PPP1CC: variants seen among roughly 807,000 people sequenced by gnomAD.
PPP1CC encodes the protein serine/threonine-protein phosphatase PP1-gamma catalytic subunit.
In PPP1CC, 16 loss-of-function variants were observed where a neutral mutation model predicts 38.4. The observed-to-expected ratio is 0.42, with a 90% CI of 0.28 to 0.63. The LOEUF (loss-of-function observed/expected upper bound fraction) is 0.63, where lower values mean the gene tolerates loss of function less well. Among genes scored for constraint, PPP1CC ranks in the 30% least tolerant of loss-of-function variants. PPP1CC has a pLI of 0.25. For synonymous variants in PPP1CC, 158 were observed against 136.0 expected (o/e 1.16, Z -1.13); for missense variants, 170 against 391.3 (o/e 0.43, Z 4.77).
chr12:110,730,880 A>C (rs1400861660), intron 2 of PPP1CC, 121 bp from the exon 3 acceptor site: 1 of 651,500 alleles, frequency 1.5e-6, no homozygotes, highest in Non-Finnish European at 2.6e-6. Context: ...TAGTAATGAG[A>C]GTTTAACTGG....
intron 1 of PPP1CC, among the ~76,000 whole-genome samples, chr12:110,742,037 C>A (rs1387710936): frequency 6.6e-6 from 1 of 152,082 alleles, no homozygotes; most frequent in South Asian, 2.1e-4. Flanking sequence ...GGAGACCTCT[C>A]CAAGATTAGA....
chr12:110,737,113 T>C (rs1018534381), intron 1 of PPP1CC, among the ~76,000 whole-genome samples: 10 of 152,162 alleles, frequency 6.6e-5, no homozygotes, highest in African/African-American at 1.4e-4. Flanking sequence ...AGTAAATACT[T>C]CCAACATTAA....
intron 1 of PPP1CC, chr12:110,732,638 T>C (rs953463276): frequency 2.0e-5 from 3 of 152,258 alleles, no homozygotes; most frequent in African/African-American, 7.2e-5. Context: ...CATGTCTATA[T>C]AGGGCAAAGG....
chr12:110,736,920 C>T (rs1164278027), intron 1 of PPP1CC, among the ~76,000 whole-genome samples: 8 of 152,066 alleles, frequency 5.3e-5, no homozygotes, highest in Admixed American at 5.2e-4. Flanking sequence ...AGTTTCAGAA[C>T]CTAAGAAAGG....
intron 4 of PPP1CC, among the ~76,000 whole-genome samples, chr12:110,724,381 T>C (rs2069772099): frequency 6.6e-6 from 1 of 152,188 alleles, no homozygotes; most frequent in Non-Finnish European, 1.5e-5. Flanking sequence ...GGCAACGTGG[T>C]GAGAACTCAT....
intron 3 of PPP1CC, 48 bp downstream of exon 3, chr12:110,730,477 GATAA>G: frequency 1.5e-6 from 2 of 1,333,654 alleles, no homozygotes; most frequent in Non-Finnish European, 1.0e-6. Flanking sequence ...AATTGTTTAT[GATAA>G]ATATCTTAAT....
At position 110,721,119 on chromosome 12, in the gene PPP1CC, AC is replaced by A; in HGVS notation, c.928del (p.Val310Ter). The part of the protein sequence containing the change: ...EKKKPNATRP[V>X]TPPRGMITKQ... ...TGTGATCATACCCCTTGGAGGCGTT[AC>A]AGGTCTCGTGGCATTTGGCTTCTTT... On this transcript the variant is annotated frameshift_variant, in exon 7 of 7. Coordinates refer to ENST00000335007, the MANE Select transcript of PPP1CC (RefSeq NM_002710.4). LOFTEE classifies it high-confidence loss of function. 1 of 1,613,988 alleles carries A rather than the reference AC, an allele frequency of 6.2e-7. No individual in the cohort carries two copies. The highest frequency in any genetic ancestry group is 8.5e-7 in the Non-Finnish European group (1 of 1,179,848).
At chr12:110,711,305 T>TAAATAGA in the PPP1CC span, among the ~76,000 whole-genome samples, 1 of 150,644 alleles carries the variant, frequency 6.6e-6, no homozygotes, top group African/African-American at 2.5e-5. Context: ...TCCCAGCTAC[T>TAAATAGA]TGGGAGCCCG....
At chr12:110,737,338 C>A (rs539633738) in intron 1 of PPP1CC, among the ~76,000 whole-genome samples, 4 of 151,780 alleles carry the variant, frequency 2.6e-5, no homozygotes, top group African/African-American at 7.2e-5. Context: ...ATTAGCAGGG[C>A]ATGGTGGTAC....
At chr12:110,724,052 C>G (rs1055812811) in intron 4 of PPP1CC, among the ~76,000 whole-genome samples, 5 of 151,576 alleles carry the variant, frequency 3.3e-5, no homozygotes. Context: ...TCCTGGCTAA[C>G]ACGGTGAAGC....
chr12:110,713,830 G>C, the PPP1CC span, among the ~76,000 whole-genome samples: 1 of 152,116 alleles, frequency 6.6e-6, no homozygotes, highest in South Asian at 2.1e-4. Flanking sequence ...TTTCATTCTT[G>C]TGCCAGGCGC....
At chr12:110,718,610 G>A (rs957259150), downstream of PPP1CC, among the ~76,000 whole-genome samples, 2 of 152,020 alleles carry the variant, frequency 1.3e-5, no homozygotes, top group Non-Finnish European at 2.9e-5. Flanking sequence ...AACTGGGATC[G>A]ATAAGATAAC....
intron 1 of PPP1CC, among the ~76,000 whole-genome samples, chr12:110,736,473 G>C (rs1043120299): frequency 6.6e-6 from 1 of 151,966 alleles, no homozygotes; most frequent in African/African-American, 2.4e-5. Flanking sequence ...GTGAAATTGA[G>C]TCTCTACCAA....
intron 3 of PPP1CC, chr12:110,726,432 T>C (rs7960552): frequency 0.43 from 66,022 of 151,878 alleles, 16,051 homozygotes; most frequent in African/African-American, 0.66. Context: ...TTAACAAACT[T>C]CTCCCGCCAG....
the PPP1CC span, among the ~76,000 whole-genome samples, chr12:110,712,850 A>C: frequency 6.7e-6 from 1 of 150,308 alleles, no homozygotes; most frequent in African/African-American, 2.5e-5. Context: ...GGCGGGTGGA[A>C]CACCTGAGGT....
chr12:110,736,955 A>G (rs954165568), intron 1 of PPP1CC, among the ~76,000 whole-genome samples: 3 of 152,250 alleles, frequency 2.0e-5, no homozygotes, highest in Admixed American at 1.3e-4. Flanking sequence ...AAATAAGCCA[A>G]CGAAGATTTT....
downstream of PPP1CC, among the ~76,000 whole-genome samples, chr12:110,718,970 T>C (rs925871355): frequency 6.6e-6 from 1 of 152,074 alleles, no homozygotes; most frequent in Non-Finnish European, 1.5e-5. Flanking sequence ...TAGTACTTGA[T>C]AAATGTTCCT....
chr12:110,711,639 C>T, the PPP1CC span, among the ~76,000 whole-genome samples: 1 of 151,866 alleles, frequency 6.6e-6, no homozygotes, highest in Non-Finnish European at 1.5e-5. Flanking sequence ...TTAAAAAATA[C>T]ACTAGCCAGG....
intron 3 of PPP1CC, 58 bp downstream of exon 3, chr12:110,730,471 G>A (rs2069859507): frequency 1.5e-6 from 2 of 1,290,576 alleles, no homozygotes; most frequent in African/African-American, 3.0e-5. Flanking sequence ...TGTGATAATT[G>A]TTTATGATAA....
Sources: gnomAD v4.1 joint callset for allele counts (sites outside exome capture counted in the v4.1 genomes callset) on GRCh38, gnomAD v4.1.1 for gene constraint, MANE v1.5 for transcripts, NCBI Gene and HGNC (gene_info 2026-07-23, HGNC 2026-07-21) for gene names.